GCN1: variants seen among roughly 807,000 people sequenced by gnomAD.
The protein encoded by GCN1 is GCN1 activator of EIF2AK4.
GCN1 carries 90 observed loss-of-function variants against 288.4 expected under a neutral mutation model. The ratio of observed to expected loss-of-function variants is 0.31; its 90% CI spans 0.26 to 0.37. The LOEUF (loss-of-function observed/expected upper bound fraction) is 0.37. Among genes scored for constraint, GCN1 ranks in the 10% least tolerant of loss-of-function variants. The pLI is 1.00. For synonymous variants in GCN1, 1,386 were observed against 1,420.2 expected (o/e 0.98, Z 0.54); for missense variants, 2,586 against 3,419.9 (o/e 0.76, Z 6.08).
At chr12:120,181,449 A>G (rs1878653892) in intron 5 of GCN1, among the ~76,000 whole-genome samples, 1 of 108,318 alleles carries the variant, frequency 9.2e-6, no homozygotes, top group Non-Finnish European at 1.7e-5. Context: ...TGGGTGACAG[A>G]GCAAGATCTT....
At chr12:120,135,810 G>A (rs956110196) in intron 51 of GCN1, among the ~76,000 whole-genome samples, 3 of 152,036 alleles carry the variant, frequency 2.0e-5, no homozygotes, top group Non-Finnish European at 4.4e-5. Flanking sequence ...GCTGTGCGAG[G>A]TCAGGAGTTC....
In GCN1 at chr12:120,153,420, A is replaced by G; in HGVS notation, c.3868-13T>C. ...AGTTGACGTTCTCCTGGAAAGCCAA[A>G]CCCCTCAGAGCCTCAGGTCAACCCT... On this transcript the variant is annotated splice_polypyrimidine_tract_variant and intron_variant, in intron 32 of 57. Transcript: ENST00000300648. The surrounding 1 kb of genome is among the most constrained non-coding windows in gnomAD (Gnocchi z 4.4). 6.2e-7 allele frequency: 1 copy of G among 1,612,398 alleles called. No homozygotes were observed. Among genetic ancestry groups the G allele is most frequent in the Non-Finnish European group, 8.5e-7 (1 of 1,179,172 alleles).
chr12:120,158,401 C>A lies in GCN1; in HGVS notation c.2905+59G>T. Reference sequence around the variant, plus strand: ...GCCCTGGGTGACGCTGTGCCTTGAGCAGCATTCCTGGCACCAGCTCACACC... The same window carrying A: ...GCCCTGGGTGACGCTGTGCCTTGAGAAGCATTCCTGGCACCAGCTCACACC... On this transcript the variant is annotated intron_variant, in intron 25 of 57. Transcript: ENST00000300648. This position sits in a 1 kb window ranked among gnomAD's most constrained non-coding sequence, Gnocchi z 4.3. 1 of 1,415,728 alleles carries A rather than the reference C, an allele frequency of 7.1e-7. No homozygotes were observed. The highest frequency in any genetic ancestry group is 2.5e-5 in the East Asian group (1 of 40,210). 87.7% of individuals were successfully genotyped at this position (1,415,728 alleles called of 1,614,324 possible). A position where few individuals can be genotyped will look rare whatever the true frequency, so the allele number is the denominator to read the frequency against.
chr12:120,180,553 C>T (rs1487123482), intron 5 of GCN1, among the ~76,000 whole-genome samples: 3 of 151,564 alleles, frequency 2.0e-5, no homozygotes, highest in South Asian at 2.1e-4. Context: ...TGCAGTGAGA[C>T]GAGATAGCGC....
intron 55 of GCN1, 133 bp downstream of exon 55, chr12:120,131,052 G>C: frequency 2.6e-6 from 2 of 776,336 alleles, no homozygotes; most frequent in African/African-American, 1.7e-5. Flanking sequence ...CAAGGGCACA[G>C]CAAGTTACTG....
chr12:120,184,035 G>T, intron 4 of GCN1, 77 bp downstream of exon 4: 1 of 1,307,606 alleles, frequency 7.6e-7, no homozygotes, highest in Non-Finnish European at 1.1e-6. Flanking sequence ...CCTCCCTCTG[G>T]TGCACAGTCA....
chr12:120,161,766 A>T, intron 21 of GCN1, 114 bp downstream of exon 21: 1 of 1,093,744 alleles, frequency 9.1e-7, no homozygotes, highest in African/African-American at 1.6e-5. Flanking sequence ...GCGCTTAGCC[A>T]ATGAATGGAT....
chr12:120,170,352 C>A, intron 14 of GCN1, 31 bp from the exon 15 acceptor site: 1 of 1,605,232 alleles, frequency 6.2e-7, no homozygotes, highest in Non-Finnish European at 8.5e-7. Context: ...CCTTAAAGGA[C>A]ATCCTGATCC....
At chr12:120,164,234 A>G (rs949672473) in intron 18 of GCN1, 102 bp downstream of exon 18, 2 of 941,986 alleles carry the variant, frequency 2.1e-6, no homozygotes, top group Non-Finnish European at 1.6e-6. Context: ...ACACAGATTA[A>G]GAAAGAACAC....
intron 5 of GCN1, among the ~76,000 whole-genome samples, chr12:120,180,197 C>T (rs1039217319): frequency 6.6e-6 from 1 of 152,034 alleles, no homozygotes; most frequent in South Asian, 2.1e-4. Flanking sequence ...CCAAGCTACT[C>T]GGGAGGCTGA....
chr12:120,184,550 A>G (rs905494111), intron 3 of GCN1, among the ~76,000 whole-genome samples: 2 of 152,200 alleles, frequency 1.3e-5, no homozygotes, highest in African/African-American at 2.4e-5. Context: ...GCATAAACAC[A>G]TTGACCACTA....
chr12:120,181,655 C>G (rs946019531), intron 5 of GCN1, among the ~76,000 whole-genome samples: 15 of 151,204 alleles, frequency 9.9e-5, no homozygotes, highest in African/African-American at 3.6e-4. Context: ...GCCTGACCAA[C>G]ATAGAGAAAC....
chr12:120,135,184 G>T (rs186794579), intron 51 of GCN1, among the ~76,000 whole-genome samples: 220 of 152,248 alleles, frequency 1.4e-3, no homozygotes, highest in African/African-American at 4.8e-3. Context: ...AGCAGGATAC[G>T]CACTCCACAT....
At position 120,153,806 on chromosome 12, in the gene GCN1, G is replaced by C. The variant is rs1272629171; in HGVS notation, c.3805C>G (p.His1269Asp). 2.5e-6 allele frequency: 4 copies of C among 1,613,978 alleles called. No homozygotes were observed. The highest frequency in any genetic ancestry group is 2.5e-6 in the Non-Finnish European group (3 of 1,179,930). Residue 1269 changes from histidine to aspartate, a missense_variant, in exon 32 of 58, where the codon CAC (histidine) becomes GAC (aspartate). Physicochemically the swap from His to Asp is moderately conservative, Grantham distance 81 (BLOSUM62 -1). Around this residue, in one of 8 missense-constraint regions of GCN1, gnomAD observed 332 missense variants for 403.0 expected, o/e 0.82. Coordinates refer to ENST00000300648, the MANE Select transcript of GCN1 (RefSeq NM_006836.2). This position sits in a 1 kb window ranked among gnomAD's most constrained non-coding sequence, Gnocchi z 4.4. ...AACATGCACTTCCGGACATCTGGGTGTCGGTCATTGAGGGCATCAGGGACA... is the reference window on the plus strand; with the variant it reads ...AACATGCACTTCCGGACATCTGGGTCTCGGTCATTGAGGGCATCAGGGACA... Reference protein sequence around the residue: ...FFVPDALNDRHPDVRKCMLDA... With the variant: ...FFVPDALNDRDPDVRKCMLDA...
rs1053771926 is a variant in GCN1, at chr12:120,156,221, AG to A, written c.3312+239del. Among the ~76,000 whole-genome samples, 1 of 152,226 alleles carries A rather than the reference AG, an allele frequency of 6.6e-6. No homozygotes were observed. The highest frequency in any genetic ancestry group is 1.5e-5 in the Non-Finnish European group (1 of 68,046). On this transcript the variant is annotated intron_variant, in intron 28 of 57. Coordinates refer to ENST00000300648, the MANE Select transcript of GCN1 (RefSeq NM_006836.2). This position sits in a 1 kb window ranked among gnomAD's most constrained non-coding sequence, Gnocchi z 5.8. ...GTTAGCTCTGTCCGTGGAAGTACCA[AG>A]GTCCACATTCCAGTTTAAAAATTAA...
rs770032227 is a variant in GCN1, at chr12:120,164,472, G to A, written c.1712C>T (p.Ala571Val). The A allele has an allele frequency of 1.2e-6, 2 of 1,613,932 alleles. No homozygotes were observed. Among genetic ancestry groups the A allele is most frequent in the East Asian group, 2.2e-5 (1 of 44,880 alleles). ...GTGCCAGGTGCGGCTCAGGAGCACC[G>A]CCACCAGAGCCCGGTGGTACTGCCT... ...KVQQYHRALV[A>V]VLLSRTWHVR... The change falls in exon 18 of 58, where the codon GCG becomes GTG. Residue 571 changes from alanine to valine, a missense_variant. By Grantham distance (64) the Ala-to-Val change is moderately conservative. Transcript: ENST00000300648.
intron 5 of GCN1, among the ~76,000 whole-genome samples, chr12:120,181,373 A>G (rs912654070): frequency 2.0e-5 from 3 of 147,444 alleles, no homozygotes; most frequent in African/African-American, 7.6e-5. Context: ...GCTGTGACAG[A>G]AGGATCGCTT....
chr12:120,129,558 A>C, intron 56 of GCN1, 64 bp from the exon 57 acceptor site: 1 of 1,208,242 alleles, frequency 8.3e-7, no homozygotes, highest in Non-Finnish European at 1.2e-6. Flanking sequence ...AAGCAGCCCA[A>C]ATGCCCAGCC....
chr12:120,169,801 T>C (rs945639951), intron 15 of GCN1, among the ~76,000 whole-genome samples: 2 of 152,214 alleles, frequency 1.3e-5, no homozygotes, highest in African/African-American at 2.4e-5. Flanking sequence ...GAGGGAAACT[T>C]AACGGCTACG....
Sources: gnomAD v4.1 joint callset for allele counts (sites outside exome capture counted in the v4.1 genomes callset) on GRCh38, gnomAD v4.1.1 for gene constraint, gnomAD v4.1.1 regional missense constraint, Gnocchi (gnomAD v3.1) non-coding constraint, MANE v1.5 for transcripts, NCBI Gene and HGNC (gene_info 2026-07-23, HGNC 2026-07-21) for gene names.